The following ELP3 variants were observed in gnomAD, a reference collection of about 807,000 sequenced individuals.
The protein encoded by ELP3 is elongator complex protein 3.
ELP3 carries 56 observed loss-of-function variants against 74.9 expected under a neutral mutation model. That is an observed-to-expected ratio of 0.75 (90% CI 0.60 to 0.93). The LOEUF is 0.93. Ranked by LOEUF, ELP3 falls within the 40% of genes least tolerant of loss-of-function variation. The probability of loss-of-function intolerance (pLI) is 0.00; values close to 1 mark genes in which losing one functional copy is unlikely to be tolerated. For synonymous variants in ELP3, 222 were observed against 239.8 expected, an observed-to-expected ratio of 0.93 and a Z score of 0.68; for missense variants, 573 against 686.5, an observed-to-expected ratio of 0.83 and a Z score of 1.85.
At chr8:28,090,750 C>A (rs965015364), upstream of ELP3, among the ~76,000 whole-genome samples, 9 of 151,968 alleles carry the variant, frequency 5.9e-5, no homozygotes, top group African/African-American at 2.2e-4. Flanking sequence ...TTTTCTCTGA[C>A]TGGCAATTGG....
At chr8:28,162,670 A>T (rs1380825770) in intron 14 of ELP3, among the ~76,000 whole-genome samples, 2 of 152,240 alleles carry the variant, frequency 1.3e-5, no homozygotes, top group East Asian at 1.9e-4. Context: ...CATTTATTGC[A>T]TATAAATTTT....
At chr8:28,090,733 G>A (rs60941631), upstream of ELP3, among the ~76,000 whole-genome samples, 11,979 of 151,876 alleles carry the variant, frequency 0.079, 860 homozygotes, top group East Asian at 0.31. Context: ...GTCACAGGCA[G>A]ATTCAGTTTT....
chr8:28,178,059 A>G (rs532954542), intron 14 of ELP3, among the ~76,000 whole-genome samples: 170 of 152,324 alleles, frequency 1.1e-3, no homozygotes, highest in African/African-American at 3.8e-3. Flanking sequence ...TCATTTTAAA[A>G]GTTTACTGGA....
chr8:28,185,084 C>T (rs985010058), intron 14 of ELP3, among the ~76,000 whole-genome samples: 2 of 152,108 alleles, frequency 1.3e-5, no homozygotes, highest in African/African-American at 4.8e-5. Context: ...TGACATTCTC[C>T]AAGATACATT....
intron 5 of ELP3, among the ~76,000 whole-genome samples, chr8:28,108,884 G>A (rs1220467028): frequency 1.3e-5 from 2 of 152,130 alleles, no homozygotes; most frequent in African/African-American, 4.8e-5. Flanking sequence ...GTTTAGCTGT[G>A]GTCGTTAGGA....
intron 10 of ELP3, among the ~76,000 whole-genome samples, chr8:28,141,602 C>T (rs886750871): frequency 6.6e-6 from 1 of 152,102 alleles, no homozygotes; most frequent in Non-Finnish European, 1.5e-5. Context: ...AGAATATCCT[C>T]GTAGGAAATA....
chr8:28,180,841 T>A lies in ELP3; in HGVS notation c.1568-8808T>A, dbSNP rs143416088. 7.7e-4 allele frequency among the ~76,000 whole-genome samples: 117 copies of A among 152,308 alleles called. 1 individual carries two copies. The East Asian group carries it at 0.017, about 22-fold the overall frequency. ...CAATCCAGAAGAGGGGGTGCTATGCTTGGGTCCCTGTCTGTGCCAGGCTCT... is the reference window on the plus strand; with the variant it reads ...CAATCCAGAAGAGGGGGTGCTATGCATGGGTCCCTGTCTGTGCCAGGCTCT... On this transcript the variant is annotated intron_variant, in intron 14 of 14. Transcript: ENST00000256398.
chr8:28,100,634 G>A (rs1034263927), intron 3 of ELP3, among the ~76,000 whole-genome samples: 1 of 152,210 alleles, frequency 6.6e-6, no homozygotes, highest in Non-Finnish European at 1.5e-5. Flanking sequence ...TAAGTGTCTG[G>A]CAAAGCAGCT....
intron 10 of ELP3, among the ~76,000 whole-genome samples, chr8:28,152,275 T>A (rs1813669992): frequency 6.6e-6 from 1 of 152,238 alleles, no homozygotes; most frequent in Admixed American, 6.5e-5. Context: ...AACCAGAAAC[T>A]GGAAGTCCCT....
intron 7 of ELP3, among the ~76,000 whole-genome samples, chr8:28,118,401 C>A (rs1269105419): frequency 6.6e-6 from 1 of 152,152 alleles, no homozygotes; most frequent in Non-Finnish European, 1.5e-5. Context: ...AAGCTAGTAG[C>A]AAGCAGTGTG....
chr8:28,133,442 T>TC (rs397972820), intron 9 of ELP3, among the ~76,000 whole-genome samples: 2 of 151,210 alleles, frequency 1.3e-5, no homozygotes, highest in African/African-American at 4.9e-5. Flanking sequence ...TTTTTTTTTT[T>TC]CTTCAAATGC....
intron 6 of ELP3, among the ~76,000 whole-genome samples, chr8:28,112,009 G>A (rs761899189): frequency 1.3e-5 from 2 of 152,012 alleles, no homozygotes; most frequent in African/African-American, 2.4e-5. Context: ...TTCTGTATAC[G>A]TTTTTTGCCA....
At chr8:28,090,340 T>C (rs1811019041), upstream of ELP3, 1 of 381,810 alleles carries the variant, frequency 2.6e-6, no homozygotes. Flanking sequence ...CTGGTGAGTG[T>C]AGTGCCCAAC....
At chr8:28,112,217 T>C (rs1333797715) in intron 6 of ELP3, among the ~76,000 whole-genome samples, 2 of 152,032 alleles carry the variant, frequency 1.3e-5, no homozygotes, top group Non-Finnish European at 2.9e-5. Context: ...CAATCTTGGG[T>C]CACTGCAACC....
chr8:28,117,991 T>G (rs1179746446), intron 7 of ELP3, among the ~76,000 whole-genome samples: 2 of 152,306 alleles, frequency 1.3e-5, no homozygotes, highest in East Asian at 1.9e-4. Context: ...ACCTTGCCCT[T>G]CTCTCTCATC....
chr8:28,094,039 C>A (rs2123472), intron 1 of ELP3, among the ~76,000 whole-genome samples: 75,112 of 152,024 alleles, frequency 0.49, 19,217 homozygotes, highest in African/African-American at 0.62. Flanking sequence ...ATCGTTAATC[C>A]CTATGCTTCT....
chr8:28,090,482 G>GGTGTGTGTGT (rs34145175), upstream of ELP3: 7,679 of 160,142 alleles, frequency 0.048, 356 homozygotes, highest in East Asian at 0.21. Flanking sequence ...CTGATGGGTG[G>GGTGTGTGTGT]GTGTGTGTGT....
chr8:28,095,770 T>G (rs1228946311), intron 1 of ELP3, among the ~76,000 whole-genome samples: 1 of 152,204 alleles, frequency 6.6e-6, no homozygotes, highest in Admixed American at 6.5e-5. Flanking sequence ...TAACAGTACC[T>G]ACCCTCCGTG....
chr8:28,188,489 G>A (rs995521942), intron 14 of ELP3, among the ~76,000 whole-genome samples: 2 of 152,090 alleles, frequency 1.3e-5, no homozygotes, highest in Non-Finnish European at 2.9e-5. Context: ...GAGGGAAGGG[G>A]GCTGGAAATG....
Sources: gnomAD v4.1 joint callset for allele counts (sites outside exome capture counted in the v4.1 genomes callset) on GRCh38, gnomAD v4.1.1 for gene constraint, MANE v1.5 for transcripts, NCBI Gene and HGNC (gene_info 2026-07-23, HGNC 2026-07-21) for gene names.